The following CDH12 variants were observed in gnomAD, a reference collection of about 807,000 sequenced individuals.
CDH12 encodes cadherin-12.
CDH12 carries 41 observed loss-of-function variants against 74.1 expected under a neutral mutation model. That is an observed-to-expected ratio of 0.55 (90% CI 0.43 to 0.72). The LOEUF is 0.72. CDH12 is among the 30% of genes least tolerant of loss of function. CDH12 has a pLI of 0.00. For synonymous variants in CDH12, 399 were observed against 355.0 expected, an observed-to-expected ratio of 1.12 and a Z score of -1.39; for missense variants, 945 against 977.2, an observed-to-expected ratio of 0.97 and a Z score of 0.44.
intron 3 of CDH12, among the ~76,000 whole-genome samples, chr5:22,395,726 T>C (rs557464144): frequency 6.6e-6 from 1 of 152,104 alleles, no homozygotes; most frequent in Non-Finnish European, 1.5e-5. Context: ...GAGAAATAAA[T>C]GTAGGGAACA....
At chr5:22,687,693 G>A (rs905721109) in intron 1 of CDH12, among the ~76,000 whole-genome samples, 3 of 152,136 alleles carry the variant, frequency 2.0e-5, no homozygotes, top group Admixed American at 2.0e-4. Flanking sequence ...GGGATTACAG[G>A]CGTGAGCCAC....
intron 4 of CDH12, among the ~76,000 whole-genome samples, chr5:22,082,874 T>A (rs1742833762): frequency 6.6e-6 from 1 of 152,240 alleles, no homozygotes; most frequent in Non-Finnish European, 1.5e-5. Flanking sequence ...CTGTGCTGTG[T>A]TTCTTCCAGA....
intron 7 of CDH12, 82 bp downstream of exon 7, chr5:21,854,589 T>G: frequency 8.6e-7 from 1 of 1,156,644 alleles, no homozygotes. Flanking sequence ...TATTAGAATA[T>G]GCAACTCCCC....
chr5:22,702,972 C>G (rs1360405946), intron 1 of CDH12, among the ~76,000 whole-genome samples: 2 of 152,098 alleles, frequency 1.3e-5, no homozygotes, highest in Non-Finnish European at 2.9e-5. Flanking sequence ...TTCCCTGATT[C>G]AACCAAACTG....
At chr5:22,220,270 GTTA>G (rs1580418062) in intron 3 of CDH12, among the ~76,000 whole-genome samples, 1 of 151,808 alleles carries the variant, frequency 6.6e-6, no homozygotes, top group East Asian at 1.9e-4. Context: ...TTCTACAGAT[GTTA>G]TTGAGAAAAT....
intron 3 of CDH12, among the ~76,000 whole-genome samples, chr5:22,283,241 T>TAG (rs1736986116): frequency 3.4e-5 from 4 of 118,324 alleles, no homozygotes; most frequent in African/African-American, 1.5e-4. Flanking sequence ...TATATATATA[T>TAG]ATATATATAT....
intron 6 of CDH12, among the ~76,000 whole-genome samples, chr5:21,962,682 C>A (rs112065900): frequency 0.033 from 4,994 of 152,156 alleles, 271 homozygotes; most frequent in African/African-American, 0.11. Flanking sequence ...TGTTAAGTGG[C>A]TTCCAGATCC....
At chr5:21,911,356 A>G (rs1361405539) in intron 6 of CDH12, among the ~76,000 whole-genome samples, 2 of 152,172 alleles carry the variant, frequency 1.3e-5, no homozygotes, top group African/African-American at 4.8e-5. Context: ...TAGAATTCTT[A>G]CCATTATTGA....
At chr5:21,844,058 T>A (rs1473702331) in intron 7 of CDH12, among the ~76,000 whole-genome samples, 4 of 152,186 alleles carry the variant, frequency 2.6e-5, no homozygotes, top group Non-Finnish European at 4.4e-5. Context: ...TATATATCTA[T>A]CTGGACTGAG....
intron 2 of CDH12, among the ~76,000 whole-genome samples, chr5:22,421,711 G>A (rs1580631307): frequency 6.6e-6 from 1 of 152,278 alleles, no homozygotes; most frequent in East Asian, 1.9e-4. Context: ...CCTGTAATGG[G>A]ATTGCTGGGC....
At chr5:22,668,275 C>T (rs978522463) in intron 1 of CDH12, among the ~76,000 whole-genome samples, 2 of 152,258 alleles carry the variant, frequency 1.3e-5, no homozygotes, top group East Asian at 1.9e-4. Flanking sequence ...GATGGGTACA[C>T]TAGAAGCCCA....
intron 3 of CDH12, among the ~76,000 whole-genome samples, chr5:22,322,122 G>T (rs1212235298): frequency 1.3e-5 from 2 of 152,054 alleles, no homozygotes; most frequent in Non-Finnish European, 2.9e-5. Context: ...TGTGTAGGAT[G>T]AGAGTCAGGA....
At chr5:22,317,539 T>G (rs942140013) in intron 3 of CDH12, among the ~76,000 whole-genome samples, 1 of 152,094 alleles carries the variant, frequency 6.6e-6, no homozygotes, top group African/African-American at 2.4e-5. Context: ...TGATAGAATG[T>G]CATATACTAG....
chr5:22,766,684 A>C (rs1158560605), intron 1 of CDH12, among the ~76,000 whole-genome samples: 1 of 152,024 alleles, frequency 6.6e-6, no homozygotes, highest in Admixed American at 6.6e-5. Context: ...ACTCAACAAG[A>C]CTTGGAAAAA....
At chr5:22,127,075 A>G (rs1383343401) in intron 4 of CDH12, among the ~76,000 whole-genome samples, 3 of 152,210 alleles carry the variant, frequency 2.0e-5, no homozygotes, top group Admixed American at 6.5e-5. Context: ...GGGGTATTAC[A>G]TATTCATAGC....
intron 1 of CDH12, among the ~76,000 whole-genome samples, chr5:22,649,266 G>A (rs994306277): frequency 6.6e-6 from 1 of 151,956 alleles, no homozygotes; most frequent in African/African-American, 2.4e-5. Context: ...ATTATGAATA[G>A]GCTTTGTTAT....
At chr5:22,472,624 C>T (rs1194099786) in intron 2 of CDH12, among the ~76,000 whole-genome samples, 1 of 151,922 alleles carries the variant, frequency 6.6e-6, no homozygotes, top group Non-Finnish European at 1.5e-5. Flanking sequence ...TGTTTTTTCT[C>T]TCAAAAAAAA....
chr5:22,478,832 C>A (rs1746277019), intron 2 of CDH12, among the ~76,000 whole-genome samples: 1 of 152,084 alleles, frequency 6.6e-6, no homozygotes, highest in Admixed American at 6.6e-5. Flanking sequence ...CCTAAAAATG[C>A]TAACAGACTG....
chr5:22,536,402 C>T (rs1737842335), intron 1 of CDH12, among the ~76,000 whole-genome samples: 1 of 151,898 alleles, frequency 6.6e-6, no homozygotes, highest in Admixed American at 6.6e-5. Context: ...GCAATTGTTG[C>T]TGGTGGTGGT....
Sources: allele counts gnomAD v4.1 joint callset (sites outside exome capture counted in the v4.1 genomes callset), GRCh38; gene constraint gnomAD v4.1.1; transcripts MANE v1.5; gene names NCBI Gene and HGNC (gene_info 2026-07-23, HGNC 2026-07-21).